CA5B: variants seen among roughly 807,000 people sequenced by gnomAD.
CA5B encodes the protein carbonic anhydrase 5B, also known as carbonic anhydrase 5B, mitochondrial.
CA5B carries 15 observed loss-of-function variants against 23.1 expected under a neutral mutation model. The observed-to-expected ratio is 0.65, with a 90% confidence interval of 0.43 to 1.00. CA5B has a LOEUF of 1.00. CA5B is among the 50% of genes least tolerant of loss of function. The pLI is 0.00. For synonymous variants in CA5B, 84 were observed against 98.5 expected (o/e 0.85, Z 0.87); for missense variants, 236 against 252.2 (o/e 0.94, Z 0.43).
In CA5B at chrX:15,750,425, C is replaced by G. The variant is rs745471121; in HGVS notation, c.142+260C>G. On this transcript the variant is annotated intron_variant, in intron 2 of 7. Transcript: ENST00000318636. ...TTCATGAAAGTAAATGTAGAATGTT[C>G]TTTCTTGACTAATTTTAGCATGTTA... 2.7e-5 allele frequency: 7 copies of G among 256,522 alleles called. No individual in the cohort carries two copies. In the South Asian group the frequency reaches 1.4e-3, roughly 50 times the overall value. The allele number at this position is 256,522 out of a possible 1,213,427, so 21.1% of individuals were successfully genotyped here. A position where few individuals can be genotyped will look rare whatever the true frequency, so the allele number is the denominator to read the frequency against.
chrX:15,777,749 A>G (rs1407669393), intron 7 of CA5B, among the ~76,000 whole-genome samples: 3 of 112,011 alleles, frequency 2.7e-5, no homozygotes, highest in African/African-American at 6.5e-5. Flanking sequence ...AGTTAAAAAG[A>G]CATTTGTAAA....
At chrX:15,755,804 A>G (rs189428039) in intron 2 of CA5B, among the ~76,000 whole-genome samples, 1 of 112,597 alleles carries the variant, frequency 8.9e-6, no homozygotes, top group Admixed American at 9.4e-5. Flanking sequence ...GAGTAATTCT[A>G]TATTTTGTAA....
intron 1 of CA5B, among the ~76,000 whole-genome samples, chrX:15,745,409 T>C (rs1931210579): frequency 1.8e-5 from 2 of 110,789 alleles, no homozygotes; most frequent in African/African-American, 6.6e-5. Context: ...GATGAAATAG[T>C]TTTGGGTGCA....
At chrX:15,766,912 A>C (rs1307855749) in intron 3 of CA5B, 1 of 329,736 alleles carries the variant, frequency 3.0e-6, no homozygotes, top group African/African-American at 2.7e-5. Context: ...AAAACTCTAG[A>C]GTGTGCCCCC....
chrX:15,774,007 A>G (rs1931871780), intron 4 of CA5B, among the ~76,000 whole-genome samples: 1 of 112,727 alleles, frequency 8.9e-6, no homozygotes, highest in Non-Finnish European at 1.9e-5. Flanking sequence ...ATTCAAATCA[A>G]GATGGGACTG....
chrX:15,761,077 G>C (rs1443105333), intron 2 of CA5B, among the ~76,000 whole-genome samples: 10 of 111,599 alleles, frequency 9.0e-5, no homozygotes, highest in African/African-American at 3.3e-4. Context: ...ATATGTTATT[G>C]GATAAAATTA....
chrX:15,778,064 A>G (rs1931963094), intron 7 of CA5B, among the ~76,000 whole-genome samples: 1 of 111,861 alleles, frequency 8.9e-6, no homozygotes, highest in Admixed American at 9.5e-5. Flanking sequence ...ATAAATCACA[A>G]TCAGCTAAAA....
At chrX:15,760,653 T>C (rs1931586786) in intron 2 of CA5B, among the ~76,000 whole-genome samples, 1 of 111,445 alleles carries the variant, frequency 9.0e-6, no homozygotes, top group Admixed American at 9.6e-5. Flanking sequence ...TCTTCCCTAG[T>C]TGTCACAGGA....
Position 15,776,873 on chromosome X carries a change from T to C in CA5B, c.774+4T>C. The C allele has an allele frequency of 8.3e-7, 1 of 1,200,887 alleles. No individual in the cohort carries two copies. The highest frequency in any genetic ancestry group is 3.0e-5 in the East Asian group (1 of 33,779). On this transcript the variant is annotated splice_donor_region_variant and intron_variant, in intron 7 of 7. Coordinates refer to ENST00000318636, the MANE Select transcript of CA5B (RefSeq NM_007220.4). The stretch of plus-strand genomic sequence containing the variant: ...AGTAGAGGTTGATCATGATCAGGTA[T>C]GTTCTCTCCATAATTTCAATCTAAG...
intron 5 of CA5B, among the ~76,000 whole-genome samples, chrX:15,774,777 G>A (rs995784602): frequency 2.7e-5 from 3 of 111,639 alleles, no homozygotes; most frequent in African/African-American, 6.5e-5. Flanking sequence ...GGTGGAGGCT[G>A]CAGTAAGCCA....
Position 15,782,731 on chromosome X carries a change from C to T in CA5B, c.*67C>T. 2 of 819,201 alleles carry T rather than the reference C, an allele frequency of 2.4e-6. No individual in the cohort carries two copies. The highest frequency in any genetic ancestry group is 3.5e-6 in the Non-Finnish European group (2 of 577,803). The allele number at this position is 819,201 out of a possible 1,213,427, so 67.5% of individuals were successfully genotyped here. On this transcript the variant is annotated 3_prime_UTR_variant, in exon 8 of 8. Coordinates refer to ENST00000318636, the MANE Select transcript of CA5B (RefSeq NM_007220.4). ...ATACTAGCTTACTATAAATTGTTAACTAGACTATTCTAAGTGCCTGCATTT... is the reference window on the plus strand; with the variant it reads ...ATACTAGCTTACTATAAATTGTTAATTAGACTATTCTAAGTGCCTGCATTT...
At chrX:15,764,459 C>T in intron 2 of CA5B, 119 bp from the exon 3 acceptor site, 5 of 1,093,584 alleles carry the variant, frequency 4.6e-6, no homozygotes, top group Non-Finnish European at 6.1e-6. Context: ...AGGCTGGTCT[C>T]AAACTTCTGG....
intron 1 of CA5B, among the ~76,000 whole-genome samples, chrX:15,745,183 A>AAAAAAAAAAAAAAAG (rs1555992328): frequency 1.6e-3 from 136 of 86,765 alleles, no homozygotes; most frequent in Non-Finnish European, 2.5e-3. Context: ...AAAAAAAAAA[A>AAAAAAAAAAAAAAAG]AAAAGAAAAG....
At chrX:15,749,899 G>C in intron 1 of CA5B, 72 bp from the exon 2 acceptor site, 1 of 824,819 alleles carries the variant, frequency 1.2e-6, no homozygotes, top group Non-Finnish European at 1.7e-6. Flanking sequence ...ATATTGTCCT[G>C]CTTAGAGGTT....
At chrX:15,769,049 C>G (rs1425918464) in intron 3 of CA5B, among the ~76,000 whole-genome samples, 1 of 111,205 alleles carries the variant, frequency 9.0e-6, no homozygotes, top group Non-Finnish European at 1.9e-5. Context: ...TCTCAGCTTT[C>G]CGCCTTAAGA....
rs923879608 is a variant in CA5B, at chrX:15,783,019, C to T, written c.*355C>T. ...TTAGCCTCTAGAGTAGCTGGGGCTACAGGTGCTGGCCGCCTGGCCCAGCTT... is the reference window on the plus strand; with the variant it reads ...TTAGCCTCTAGAGTAGCTGGGGCTATAGGTGCTGGCCGCCTGGCCCAGCTT... On this transcript the variant is annotated 3_prime_UTR_variant, in exon 8 of 8. Coordinates refer to ENST00000318636, the MANE Select transcript of CA5B (RefSeq NM_007220.4). The T allele has an allele frequency of 6.2e-5, 11 of 177,563 alleles. No individual in the cohort carries two copies. The highest frequency in any genetic ancestry group is 3.3e-4 in the African/African-American group (11 of 33,626). The allele number at this position is 177,563 out of a possible 1,213,427, so 14.6% of individuals were successfully genotyped here.
intron 3 of CA5B, among the ~76,000 whole-genome samples, 166 bp from the exon 4 acceptor site, chrX:15,772,330 C>T (rs1464187467): frequency 1.8e-5 from 2 of 112,233 alleles, no homozygotes; most frequent in Non-Finnish European, 3.8e-5. Context: ...TGTCCTTATA[C>T]GTGCATTGAC....
chrX:15,748,170 C>G (rs1055381592), intron 1 of CA5B, among the ~76,000 whole-genome samples: 11 of 112,156 alleles, frequency 9.8e-5, no homozygotes, highest in African/African-American at 3.6e-4. Flanking sequence ...TTACTGTACA[C>G]TTAGCTGGCA....
At chrX:15,779,258 A>G (rs1931980476) in intron 7 of CA5B, among the ~76,000 whole-genome samples, 1 of 111,489 alleles carries the variant, frequency 9.0e-6, no homozygotes, top group Non-Finnish European at 1.9e-5. Flanking sequence ...AGCTCAAGCA[A>G]TCAGAGCAAA....
Sources: gnomAD v4.1 joint callset for allele counts (sites outside exome capture counted in the v4.1 genomes callset) on GRCh38, gnomAD v4.1.1 for gene constraint, MANE v1.5 for transcripts, NCBI Gene and HGNC (gene_info 2026-07-23, HGNC 2026-07-21) for gene names.